Variants in FSTL4 observed in about 807,000 individuals in gnomAD.
The protein encoded by FSTL4 is follistatin-related protein 4.
Under a neutral mutation model 78.2 loss-of-function variants are expected in FSTL4, and 28 were observed. The ratio of observed to expected loss-of-function variants is 0.36; its 90% confidence interval spans 0.27 to 0.49. FSTL4 has a LOEUF of 0.49. Ranked by LOEUF, FSTL4 falls within the 20% of genes least tolerant of loss-of-function variation. FSTL4 has a pLI of 0.98. For missense variants in FSTL4, 922 were observed against 1,084.9 expected (o/e 0.85, Z 2.11); for synonymous variants, 422 against 440.5 (o/e 0.96, Z 0.53).
chr5:133,664,912 T>C, the FSTL4 span, among the ~76,000 whole-genome samples: 2 of 152,188 alleles, frequency 1.3e-5, no homozygotes, highest in African/African-American at 2.4e-5. Flanking sequence ...GTCTCCTTGA[T>C]TAGGATATGA....
At chr5:133,297,480 C>T (rs1020375125) in intron 6 of FSTL4, among the ~76,000 whole-genome samples, 1 of 152,170 alleles carries the variant, frequency 6.6e-6, no homozygotes, top group Non-Finnish European at 1.5e-5. Flanking sequence ...TAACCGCAGG[C>T]AATGACTTAA....
chr5:133,724,165 A>C, the FSTL4 span, among the ~76,000 whole-genome samples: 1 of 152,214 alleles, frequency 6.6e-6, no homozygotes, highest in African/African-American at 2.4e-5. Flanking sequence ...GTAACTCAGC[A>C]TGTGGCCTTG....
At chr5:133,627,356 A>C in the FSTL4 span, among the ~76,000 whole-genome samples, 1 of 152,118 alleles carries the variant, frequency 6.6e-6, no homozygotes, top group Admixed American at 6.6e-5. Context: ...AATGAGAGCC[A>C]AGGAAAAAGG....
At chr5:133,600,252 G>A (rs1172326885) in intron 2 of FSTL4, among the ~76,000 whole-genome samples, 1 of 152,172 alleles carries the variant, frequency 6.6e-6, no homozygotes, top group Non-Finnish European at 1.5e-5. Context: ...TGCCCTAAGT[G>A]TAGGCTAATG....
rs532763778 is a variant in FSTL4 at position 133,527,865 on chromosome 5, A to G, written c.160+39321T>C. On this transcript the variant is annotated intron_variant, in intron 3 of 15. Coordinates refer to ENST00000265342, the MANE Select transcript of FSTL4 (RefSeq NM_015082.2). ...CCCCCCTGATATCCAGGGGTCAGCC[A>G]CCCCACATGGCAGCCTTGGCCTTGC... Among the ~76,000 whole-genome samples the G allele has an allele frequency of 3.9e-4, 60 of 152,252 alleles. 1 individual carries two copies. The highest frequency in any genetic ancestry group is 1.4e-3 in the African/African-American group (58 of 41,566).
the FSTL4 span, among the ~76,000 whole-genome samples, chr5:133,808,720 G>C: frequency 6.6e-6 from 1 of 152,032 alleles, no homozygotes; most frequent in Admixed American, 6.5e-5. Context: ...GGACATCCGG[G>C]AACAAGCCAG....
chr5:133,800,767 C>CT, the FSTL4 span, among the ~76,000 whole-genome samples: 1 of 87,160 alleles, frequency 1.1e-5, no homozygotes, highest in Non-Finnish European at 2.8e-5. Flanking sequence ...TCTAAAATGA[C>CT]TTTCCTTCTT....
intron 3 of FSTL4, among the ~76,000 whole-genome samples, chr5:133,461,245 T>C (rs1367511222): frequency 6.6e-6 from 1 of 152,152 alleles, no homozygotes; most frequent in Non-Finnish European, 1.5e-5. Flanking sequence ...CTAACTAGCA[T>C]GGGTTTCAAT....
the FSTL4 span, among the ~76,000 whole-genome samples, chr5:133,641,165 G>A: frequency 6.6e-6 from 1 of 152,058 alleles, no homozygotes; most frequent in Non-Finnish European, 1.5e-5. Context: ...ATTCCTAAGG[G>A]CTCATGGGAA....
At chr5:133,350,532 T>C (rs1754800677) in intron 4 of FSTL4, among the ~76,000 whole-genome samples, 1 of 152,262 alleles carries the variant, frequency 6.6e-6, no homozygotes, top group African/African-American at 2.4e-5. Context: ...TTTAGGTTCC[T>C]GTTTTCTTTC....
intron 4 of FSTL4, among the ~76,000 whole-genome samples, chr5:133,365,224 G>A (rs944676638): frequency 6.6e-6 from 1 of 151,094 alleles, no homozygotes. Context: ...CATGGCAAAA[G>A]TTAATTTCTA....
chr5:133,639,303 C>A, the FSTL4 span, among the ~76,000 whole-genome samples: 2,821 of 152,278 alleles, frequency 0.019, 47 homozygotes, highest in East Asian at 0.067. Flanking sequence ...ACTACGTCCT[C>A]AATACGTAGA....
chr5:133,249,725 T>C, intron 6 of FSTL4, 149 bp from the exon 7 acceptor site: 1 of 630,246 alleles, frequency 1.6e-6, no homozygotes, highest in South Asian at 2.0e-5. Flanking sequence ...GCTGACTAAA[T>C]GTAGAGATAG....
chr5:133,590,702 T>G lies in FSTL4; in HGVS notation c.126+13156A>C, dbSNP rs7727546. 5.2e-3 allele frequency among the ~76,000 whole-genome samples: 794 copies of G among 152,140 alleles called. 9 individuals carry two copies. Among genetic ancestry groups the G allele is most frequent in the African/African-American group, 0.017 (714 of 41,506 alleles). On this transcript the variant is annotated intron_variant, in intron 2 of 15. Coordinates refer to ENST00000265342, the MANE Select transcript of FSTL4 (RefSeq NM_015082.2). ...GCCTGCTCCCCTTTAGTGAGTTTGA[T>G]GGGTCAGGCGTGGACACAGGCTGCC... is the stretch of plus-strand genomic sequence containing the variant.
At chr5:133,676,919 G>A in the FSTL4 span, among the ~76,000 whole-genome samples, 59 of 152,210 alleles carry the variant, frequency 3.9e-4, 1 homozygote, top group African/African-American at 1.3e-3. Context: ...TTTCCACCAC[G>A]AGGGTTTTAA....
intron 6 of FSTL4, among the ~76,000 whole-genome samples, chr5:133,273,519 G>C (rs1015027222): frequency 6.6e-6 from 1 of 152,178 alleles, no homozygotes; most frequent in Non-Finnish European, 1.5e-5. Flanking sequence ...GGAGCTACTT[G>C]GGGTCAGGGT....
At chr5:133,461,206 TAA>T (rs1295676097) in intron 3 of FSTL4, among the ~76,000 whole-genome samples, 1 of 152,214 alleles carries the variant, frequency 6.6e-6, no homozygotes, top group African/African-American at 2.4e-5. Flanking sequence ...GCTCTGATAT[TAA>T]AATTGCCAAT....
At chr5:133,604,229 A>G (rs1340253784) in intron 1 of FSTL4, among the ~76,000 whole-genome samples, 1 of 152,222 alleles carries the variant, frequency 6.6e-6, no homozygotes, top group East Asian at 1.9e-4. Context: ...AGTTAGTGTC[A>G]GGCATAGAGT....
intron 3 of FSTL4, among the ~76,000 whole-genome samples, chr5:133,473,528 C>G (rs1244250960): frequency 6.6e-6 from 1 of 152,180 alleles, no homozygotes; most frequent in African/African-American, 2.4e-5. Context: ...CTTAGGGGGT[C>G]AAGAGGTTAT....
Sources: allele counts gnomAD v4.1 joint callset (sites outside exome capture counted in the v4.1 genomes callset), GRCh38; gene constraint gnomAD v4.1.1; transcripts MANE v1.5; gene names NCBI Gene and HGNC (gene_info 2026-07-23, HGNC 2026-07-21).